Variants in NAV2 observed in about 807,000 individuals in gnomAD.
NAV2 encodes the protein neuron navigator 2.
Under a neutral mutation model 223.2 loss-of-function variants are expected in NAV2, and 54 were observed. The ratio of observed to expected loss-of-function variants is 0.24; its 90% CI spans 0.19 to 0.30. The LOEUF (loss-of-function observed/expected upper bound fraction) is 0.30. Ranked by LOEUF, NAV2 falls within the 10% of genes least tolerant of loss-of-function variation. The pLI is 1.00. For missense variants in NAV2, 2,806 were observed against 3,147.5 expected (o/e 0.89, Z 2.60); for synonymous variants, 1,279 against 1,239.3 (o/e 1.03, Z -0.67).
chr11:19,937,106 C>G (rs1591324195), intron 7 of NAV2, among the ~76,000 whole-genome samples: 1 of 152,136 alleles, frequency 6.6e-6, no homozygotes, highest in African/African-American at 2.4e-5. Context: ...CCACTGCACA[C>G]CAGCCTGGGC....
chr11:19,568,289 G>A (rs1389200186), intron 1 of NAV2, among the ~76,000 whole-genome samples: 2 of 152,226 alleles, frequency 1.3e-5, no homozygotes, highest in Non-Finnish European at 2.9e-5. Flanking sequence ...AGGCAAGGAT[G>A]CCCAGTAAAA....
intron 1 of NAV2, among the ~76,000 whole-genome samples, chr11:19,354,147 G>A (rs1425395901): frequency 6.6e-6 from 1 of 152,188 alleles, no homozygotes; most frequent in Non-Finnish European, 1.5e-5. Context: ...TATTCAAGAA[G>A]TATTTATGAA....
At chr11:19,964,683 T>C (rs2048614223) in intron 10 of NAV2, among the ~76,000 whole-genome samples, 1 of 151,944 alleles carries the variant, frequency 6.6e-6, no homozygotes, top group African/African-American at 2.4e-5. Context: ...ACATTTTTTG[T>C]AGAAATGGTG....
At chr11:20,017,724 A>G (rs965901559) in intron 11 of NAV2, among the ~76,000 whole-genome samples, 2 of 152,176 alleles carry the variant, frequency 1.3e-5, no homozygotes, top group Admixed American at 6.5e-5. Flanking sequence ...CTAGTTTCCT[A>G]TAATTCTTGT....
chr11:19,962,055 A>G (rs1591440881), intron 10 of NAV2, among the ~76,000 whole-genome samples: 1 of 151,660 alleles, frequency 6.6e-6, no homozygotes, highest in African/African-American at 2.4e-5. Context: ...GCAGGCCAAG[A>G]GGGGATTCTA....
At chr11:19,682,693 A>G (rs1329898374) in intron 1 of NAV2, among the ~76,000 whole-genome samples, 8 of 152,110 alleles carry the variant, frequency 5.3e-5, no homozygotes, top group African/African-American at 1.9e-4. Context: ...CATGTGAGAG[A>G]GGGAGCATGA....
intron 9 of NAV2, among the ~76,000 whole-genome samples, chr11:19,947,605 A>G (rs1241028888): frequency 1.3e-5 from 2 of 152,204 alleles, no homozygotes; most frequent in Admixed American, 1.3e-4. Context: ...GAAGAATCTC[A>G]TTCTCTGCTC....
chr11:19,974,329 T>C (rs188690066), intron 10 of NAV2, among the ~76,000 whole-genome samples: 131 of 152,188 alleles, frequency 8.6e-4, no homozygotes, highest in Non-Finnish European at 2.6e-4. Context: ...ATTTTTAAGG[T>C]GGTGGAATTA....
At position 19,442,764 on chromosome 11, in the gene NAV2, C is replaced by T. The variant is rs558526982; in HGVS notation, c.75+91737C>T. Among the ~76,000 whole-genome samples the T allele has an allele frequency of 1.4e-4, 21 of 152,296 alleles. No individual in the cohort carries two copies. In the South Asian group the frequency reaches 3.7e-3, roughly 27 times the overall value. ...GGCTGCCTTGGCCCTAGAGTCCCAA[C>T]CTTTACAGCAAGTGTGACAATAGGC... is the stretch of plus-strand genomic sequence containing the variant. On this transcript the variant is annotated intron_variant, in intron 1 of 37. Coordinates refer to the NAV2 transcript ENST00000360655.
intron 8 of NAV2, among the ~76,000 whole-genome samples, chr11:19,942,182 C>T (rs1443312471): frequency 1.3e-5 from 2 of 152,178 alleles, no homozygotes; most frequent in Non-Finnish European, 2.9e-5. Flanking sequence ...TGTGTTCAGG[C>T]TGTGAGTTAG....
At chr11:19,433,757 G>A (rs1004114470) in intron 1 of NAV2, among the ~76,000 whole-genome samples, 7 of 152,182 alleles carry the variant, frequency 4.6e-5, no homozygotes, top group Non-Finnish European at 7.3e-5. Context: ...ACCACTGTTG[G>A]CAAATTGTAT....
chr11:20,071,222 T>C (rs10766623), intron 22 of NAV2, among the ~76,000 whole-genome samples: 83,368 of 151,400 alleles, frequency 0.55, 23,726 homozygotes, highest in East Asian at 0.92. Flanking sequence ...GTTTGGTTTT[T>C]GGTTCTTGTG....
rs145421094 is a variant in NAV2 at position 20,101,083 on chromosome 11, C to T, written c.6328C>T (p.Arg2110Trp). Reference protein sequence around the residue: ...SGTGKTYLANRLSEYIVLREG... With the variant: ...SGTGKTYLANWLSEYIVLREG... Reference sequence around the variant, plus strand: ...CACTGGGAAAACCTACCTGGCCAACCGGCTGTCTGAGTATATAGTGCTTCG... The same window carrying T: ...CACTGGGAAAACCTACCTGGCCAACTGGCTGTCTGAGTATATAGTGCTTCG... The change falls in exon 32 of 38, where the codon CGG (arginine) becomes TGG (tryptophan). Residue 2110 changes from arginine (R) to tryptophan (W), a missense_variant. Coordinates refer to ENST00000349880, the MANE Select transcript of NAV2 (RefSeq NM_145117.5). 9.9e-6 allele frequency: 16 copies of T among 1,614,010 alleles called. No individual in the cohort carries two copies. The highest frequency in any genetic ancestry group is 1.3e-5 in the African/African-American group (1 of 74,896).
At chr11:19,834,747 G>T (rs1036918685) in intron 2 of NAV2, among the ~76,000 whole-genome samples, 2 of 152,160 alleles carry the variant, frequency 1.3e-5, no homozygotes, top group African/African-American at 4.8e-5. Flanking sequence ...AATATAAAAA[G>T]GATCATACTG....
intron 1 of NAV2, among the ~76,000 whole-genome samples, chr11:19,768,488 G>A (rs968298416): frequency 6.6e-6 from 1 of 152,178 alleles, no homozygotes; most frequent in South Asian, 2.1e-4. Flanking sequence ...ATGGCAAAAG[G>A]ACGGAAAAGA....
intron 1 of NAV2, chr11:19,575,306 G>A (rs1266520251): frequency 6.5e-6 from 1 of 154,334 alleles, no homozygotes; most frequent in African/African-American, 2.4e-5. Context: ...ATGGGCAGGT[G>A]GAAGCATGCT....
intron 1 of NAV2, among the ~76,000 whole-genome samples, chr11:19,406,348 T>G (rs117910161): frequency 6.6e-6 from 1 of 152,182 alleles, no homozygotes; most frequent in Non-Finnish European, 1.5e-5. Context: ...TAATAGGACG[T>G]GGGAAGACTA....
chr11:19,438,810 A>C (rs908465562), intron 1 of NAV2, among the ~76,000 whole-genome samples: 1 of 152,186 alleles, frequency 6.6e-6, no homozygotes, highest in Non-Finnish European at 1.5e-5. Flanking sequence ...GTAAAATTAG[A>C]GTGTGCCACC....
At chr11:20,108,461 T>C (rs905841171) in intron 36 of NAV2, among the ~76,000 whole-genome samples, 1 of 152,100 alleles carries the variant, frequency 6.6e-6, no homozygotes, top group African/African-American at 2.4e-5. Context: ...TATTTTTTTT[T>C]AGACAGAGTC....
Sources: allele counts gnomAD v4.1 joint callset (sites outside exome capture counted in the v4.1 genomes callset), GRCh38; gene constraint gnomAD v4.1.1; transcripts MANE v1.5; gene names NCBI Gene and HGNC (gene_info 2026-07-23, HGNC 2026-07-21).